MEIS1: variants seen among roughly 807,000 people sequenced by gnomAD.
MEIS1 encodes homeobox protein Meis1.
MEIS1 carries 5 observed loss-of-function variants against 50.8 expected under a neutral mutation model. The ratio of observed to expected loss-of-function variants is 0.10; its 90% confidence interval spans 0.05 to 0.21. The LOEUF (loss-of-function observed/expected upper bound fraction) is 0.21. Ranked by LOEUF, MEIS1 falls within the 10% of genes least tolerant of loss-of-function variation. MEIS1 has a pLI of 1.00. For synonymous variants in MEIS1, 176 were observed against 179.3 expected (o/e 0.98, Z 0.15); for missense variants, 318 against 517.3 (o/e 0.61, Z 3.74).
intron 6 of MEIS1, among the ~76,000 whole-genome samples, chr2:66,463,821 A>G (rs554711503): frequency 2.6e-5 from 4 of 152,302 alleles, no homozygotes; most frequent in African/African-American, 9.6e-5. Context: ...CAGTGGCGGC[A>G]TTTTGTTTTC....
At chr2:66,438,079 T>C in intron 2 of MEIS1, 116 bp downstream of exon 2, 1 of 955,656 alleles carries the variant, frequency 1.0e-6, no homozygotes. Flanking sequence ...CTTTGGTGAC[T>C]TTTCATTCAC....
At chr2:66,535,756 A>G (rs2103904286) in intron 8 of MEIS1, among the ~76,000 whole-genome samples, 1 of 147,234 alleles carries the variant, frequency 6.8e-6, no homozygotes, top group East Asian at 2.1e-4. Flanking sequence ...AGGTAATCTG[A>G]TCACTAAAAC....
chr2:66,440,075 A>ACACACACACACACG (rs1671925983), intron 3 of MEIS1, 91 bp downstream of exon 3: 1 of 1,063,324 alleles, frequency 9.4e-7, no homozygotes. Flanking sequence ...GCGAACACAC[A>ACACACACACACACG]CACACACACA....
chr2:66,542,176 A>G (rs1193450342), intron 8 of MEIS1, among the ~76,000 whole-genome samples: 4 of 152,210 alleles, frequency 2.6e-5, no homozygotes, highest in Non-Finnish European at 4.4e-5. Context: ...GGTCAAATAT[A>G]TAGCTGGTTA....
At chr2:66,482,288 G>T (rs139249385) in intron 7 of MEIS1, among the ~76,000 whole-genome samples, 1 of 152,130 alleles carries the variant, frequency 6.6e-6, no homozygotes, top group African/African-American at 2.4e-5. Context: ...GCCCACCCTC[G>T]TTCATTTGTG....
intron 8 of MEIS1, among the ~76,000 whole-genome samples, chr2:66,514,997 C>T (rs1673930193): frequency 6.6e-6 from 1 of 152,136 alleles, no homozygotes. Flanking sequence ...CATCTCAGTA[C>T]TAATTCTTTA....
intron 7 of MEIS1, among the ~76,000 whole-genome samples, chr2:66,508,367 C>G (rs4605359): frequency 0.94 from 142,400 of 152,276 alleles, 66,722 homozygotes; most frequent in Non-Finnish European, 0.97. Flanking sequence ...GGAGCCATTC[C>G]GATAATCGTA....
intron 8 of MEIS1, among the ~76,000 whole-genome samples, chr2:66,533,696 C>T (rs954664774): frequency 6.6e-6 from 1 of 152,008 alleles, no homozygotes; most frequent in Non-Finnish European, 1.5e-5. Context: ...TGTAAATTCT[C>T]CTCATAAATT....
chr2:66,552,436 T>G (rs558895526), intron 9 of MEIS1, among the ~76,000 whole-genome samples: 69 of 152,344 alleles, frequency 4.5e-4, no homozygotes, highest in African/African-American at 1.5e-3. Flanking sequence ...TATTTATATA[T>G]AGAGAAAAAT....
intron 8 of MEIS1, among the ~76,000 whole-genome samples, chr2:66,541,098 C>T (rs13000004): frequency 0.31 from 46,966 of 151,370 alleles, 8,432 homozygotes; most frequent in East Asian, 0.54. Context: ...AGTGCAGTGG[C>T]GCAATCTCGG....
chr2:66,452,531 G>A (rs1338771614), intron 6 of MEIS1, among the ~76,000 whole-genome samples: 1 of 151,850 alleles, frequency 6.6e-6, no homozygotes, highest in African/African-American at 2.4e-5. Context: ...AGATGCAAAT[G>A]TAGTTTGCCA....
intron 6 of MEIS1, among the ~76,000 whole-genome samples, chr2:66,444,786 C>G (rs1051910446): frequency 1.3e-5 from 2 of 152,196 alleles, no homozygotes; most frequent in African/African-American, 4.8e-5. Context: ...TCCAACAAGC[C>G]TAACTGGAAA....
intron 3 of MEIS1, 42 bp downstream of exon 3, chr2:66,440,026 G>A (rs1671914619): frequency 6.4e-7 from 1 of 1,552,338 alleles, no homozygotes; most frequent in African/African-American, 1.4e-5. Flanking sequence ...AACAAAAAGA[G>A]AGCCCCCCCT....
intron 12 of MEIS1, 136 bp downstream of exon 12, chr2:66,569,281 C>A: frequency 1.4e-6 from 1 of 714,510 alleles, no homozygotes; most frequent in Non-Finnish European, 2.3e-6. Flanking sequence ...TTGCTTCCAT[C>A]ATTTTCTTTT....
intron 6 of MEIS1, chr2:66,461,787 C>T (rs762281044): frequency 1.3e-5 from 6 of 446,984 alleles, no homozygotes; most frequent in Admixed American, 7.8e-5. Context: ...TGCAATGAAT[C>T]GGAATGCCTC....
chr2:66,528,028 A>G (rs989186572), intron 8 of MEIS1, among the ~76,000 whole-genome samples: 5 of 152,206 alleles, frequency 3.3e-5, no homozygotes. Flanking sequence ...AACAGTCAGA[A>G]GACAGCTATA....
chr2:66,571,110 CA>C (rs1675476296), intron 12 of MEIS1, 135 bp from the exon 13 acceptor site: 22 of 865,962 alleles, frequency 2.5e-5, no homozygotes, highest in Non-Finnish European at 3.6e-5. Context: ...CTGTATGAAT[CA>C]AAAGAATGCT....
intron 8 of MEIS1, among the ~76,000 whole-genome samples, chr2:66,524,897 C>A (rs1470809030): frequency 6.6e-6 from 1 of 152,132 alleles, no homozygotes; most frequent in Admixed American, 6.6e-5. Context: ...ATTGAAAATT[C>A]TTTTGCTTCT....
chr2:66,508,838 CTA>C, intron 7 of MEIS1: 1 of 349,192 alleles, frequency 2.9e-6, no homozygotes, highest in South Asian at 2.3e-5. Context: ...GAGCCTACTG[CTA>C]TCCTAATGAG....
Sources: gnomAD v4.1 joint callset for allele counts (sites outside exome capture counted in the v4.1 genomes callset) on GRCh38, gnomAD v4.1.1 for gene constraint, MANE v1.5 for transcripts, NCBI Gene and HGNC (gene_info 2026-07-23, HGNC 2026-07-21) for gene names.